Variants in PTPRM observed in about 807,000 individuals in gnomAD.
PTPRM encodes protein tyrosine phosphatase receptor type M.
PTPRM carries 47 observed loss-of-function variants against 186.7 expected under a neutral mutation model. That is an observed-to-expected ratio of 0.25 (90% CI 0.20 to 0.32). PTPRM has a LOEUF of 0.32. Ranked by LOEUF, PTPRM falls within the 10% of genes least tolerant of loss-of-function variation. The probability of loss-of-function intolerance (pLI) is 1.00; values close to 1 mark genes in which losing one functional copy is unlikely to be tolerated. For synonymous variants in PTPRM, 668 were observed against 674.9 expected (o/e 0.99, Z 0.16); for missense variants, 1,494 against 1,865.0 (o/e 0.80, Z 3.66).
At chr18:7,709,961 C>G (rs1024309558) in intron 1 of PTPRM, among the ~76,000 whole-genome samples, 1 of 152,154 alleles carries the variant, frequency 6.6e-6, no homozygotes, top group Non-Finnish European at 1.5e-5. Flanking sequence ...CAGCTGAATT[C>G]TATCAGACAT....
At chr18:7,659,274 C>A (rs2038925687) in intron 1 of PTPRM, among the ~76,000 whole-genome samples, 1 of 152,100 alleles carries the variant, frequency 6.6e-6, no homozygotes, top group African/African-American at 2.4e-5. Flanking sequence ...TCAGGAATCC[C>A]TCTGCTCTGT....
At chr18:8,059,109 T>C (rs1167530036) in intron 7 of PTPRM, among the ~76,000 whole-genome samples, 1 of 151,034 alleles carries the variant, frequency 6.6e-6, no homozygotes, top group Non-Finnish European at 1.5e-5. Flanking sequence ...TTCCATTTGT[T>C]TGTATCCTCT....
chr18:7,941,707 G>C (rs1244433131), intron 5 of PTPRM, among the ~76,000 whole-genome samples: 4 of 152,222 alleles, frequency 2.6e-5, no homozygotes, highest in Non-Finnish European at 5.9e-5. Context: ...CAGCGTTGGT[G>C]CCAACGAGCA....
chr18:7,684,548 T>C (rs2039554611), intron 1 of PTPRM, among the ~76,000 whole-genome samples: 1 of 152,162 alleles, frequency 6.6e-6, no homozygotes. Flanking sequence ...ATTCTATGCC[T>C]CCATGAGTTT....
At chr18:8,038,169 G>A (rs1044447741) in intron 7 of PTPRM, among the ~76,000 whole-genome samples, 1 of 152,108 alleles carries the variant, frequency 6.6e-6, no homozygotes, top group East Asian at 1.9e-4. Flanking sequence ...TCTTCCACTG[G>A]ACTGTGCTCT....
chr18:7,774,055 C>T, intron 1 of PTPRM, 94 bp from the exon 2 acceptor site: 1 of 1,307,544 alleles, frequency 7.6e-7, no homozygotes, highest in Non-Finnish European at 1.1e-6. Flanking sequence ...TGGCATCAAA[C>T]TTGGCATCAA....
At chr18:8,395,964 A>G (rs1437038037) in intron 32 of PTPRM, among the ~76,000 whole-genome samples, 1 of 152,188 alleles carries the variant, frequency 6.6e-6, no homozygotes, top group Non-Finnish European at 1.5e-5. Flanking sequence ...GGAAATTGCA[A>G]AGGGGAGAGG....
At chr18:8,264,985 A>C (rs2094683894) in intron 19 of PTPRM, among the ~76,000 whole-genome samples, 1 of 152,186 alleles carries the variant, frequency 6.6e-6, no homozygotes. Flanking sequence ...ACTGAAGCAC[A>C]TGACTTCTGT....
At chr18:7,712,401 G>T (rs1007873102) in intron 1 of PTPRM, among the ~76,000 whole-genome samples, 18 of 152,064 alleles carry the variant, frequency 1.2e-4, no homozygotes, top group Non-Finnish European at 2.6e-4. Flanking sequence ...ATGAAGATGG[G>T]GAGAAACCAG....
At chr18:7,881,607 C>T (rs1311912163) in intron 2 of PTPRM, among the ~76,000 whole-genome samples, 3 of 152,206 alleles carry the variant, frequency 2.0e-5, no homozygotes, top group Non-Finnish European at 4.4e-5. Context: ...TCACCCTGCT[C>T]TCTCTTTCTT....
chr18:7,842,947 T>TATATATAGAGAGAGAG lies in PTPRM; in HGVS notation c.197-45158_197-45157insTATATAGAGAGAGAGA, dbSNP rs370746043. On this transcript the variant is annotated intron_variant, in intron 2 of 32. Coordinates refer to ENST00000580170, the MANE Select transcript of PTPRM (RefSeq NM_001105244.2). ...GTGTGTGTGTATATATATATATATA[T>TATATATAGAGAGAGAG]AGAGAGAGAGAGAGAGAGAGAGAGA... is the stretch of plus-strand genomic sequence containing the variant. 8.2e-4 allele frequency among the ~76,000 whole-genome samples: 92 copies of TATATATAGAGAGAGAG among 112,106 alleles called. 1 individual carries two copies. Among genetic ancestry groups the TATATATAGAGAGAGAG allele is most frequent in the East Asian group, 3.1e-3 (10 of 3,214 alleles). The allele number at this position is 112,106 out of a possible 152,430, so 73.5% of individuals were successfully genotyped here.
intron 4 of PTPRM, among the ~76,000 whole-genome samples, chr18:7,920,679 A>G (rs776089020): frequency 2.0e-5 from 3 of 152,134 alleles, no homozygotes; most frequent in Non-Finnish European, 4.4e-5. Flanking sequence ...GTATATTAAT[A>G]TTATCCGTGG....
intron 1 of PTPRM, among the ~76,000 whole-genome samples, chr18:7,642,696 T>G (rs1354499010): frequency 1.3e-5 from 2 of 152,190 alleles, no homozygotes; most frequent in African/African-American, 4.8e-5. Context: ...ACATGTTGAC[T>G]TTGTTATGTG....
chr18:7,912,286 T>A (rs1442427092), intron 4 of PTPRM, among the ~76,000 whole-genome samples: 1 of 152,238 alleles, frequency 6.6e-6, no homozygotes, highest in Non-Finnish European at 1.5e-5. Flanking sequence ...TGACACACTG[T>A]TCTTTCCCCA....
intron 7 of PTPRM, among the ~76,000 whole-genome samples, chr18:8,035,341 A>G (rs674823): frequency 0.65 from 98,840 of 151,940 alleles, 32,433 homozygotes; most frequent in African/African-American, 0.73. Context: ...TGCAGAAAAA[A>G]TATAATCATC....
intron 24 of PTPRM, among the ~76,000 whole-genome samples, chr18:8,375,648 T>A (rs1032970745): frequency 7.9e-5 from 12 of 152,320 alleles, no homozygotes; most frequent in Admixed American, 7.8e-4. Context: ...AGACATCCTT[T>A]AATTTCTTCA....
intron 1 of PTPRM, among the ~76,000 whole-genome samples, chr18:7,731,396 G>C (rs1277284976): frequency 1.3e-5 from 2 of 152,156 alleles, no homozygotes; most frequent in Non-Finnish European, 2.9e-5. Flanking sequence ...AAATAAGCTT[G>C]GTTGGTATTG....
At chr18:8,401,974 C>T (rs1412146284) in intron 32 of PTPRM, among the ~76,000 whole-genome samples, 1 of 152,230 alleles carries the variant, frequency 6.6e-6, no homozygotes, top group African/African-American at 2.4e-5. Flanking sequence ...AGCCCCTACT[C>T]AGGGCACCTC....
intron 14 of PTPRM, among the ~76,000 whole-genome samples, chr18:8,230,278 G>A (rs941978813): frequency 4.6e-5 from 7 of 152,174 alleles, no homozygotes; most frequent in Admixed American, 3.3e-4. Flanking sequence ...AGAGTGGCTG[G>A]GTAGGTAGTG....
Sources: gnomAD v4.1 joint callset for allele counts (sites outside exome capture counted in the v4.1 genomes callset) on GRCh38, gnomAD v4.1.1 for gene constraint, MANE v1.5 for transcripts, NCBI Gene and HGNC (gene_info 2026-07-23, HGNC 2026-07-21) for gene names.